CAST: variants seen among roughly 807,000 people sequenced by gnomAD.
The protein encoded by CAST is MIR583 host.
A neutral mutation model predicts 119.6 loss-of-function variants in CAST; 76 were observed. The ratio of observed to expected loss-of-function variants is 0.64; its 90% CI spans 0.53 to 0.77. The LOEUF is 0.77. Among genes scored for constraint, CAST ranks in the 30% least tolerant of loss-of-function variants. The pLI is 0.00. For synonymous variants in CAST, 319 were observed against 331.6 expected (o/e 0.96, Z 0.41); for missense variants, 953 against 946.5 (o/e 1.01, Z -0.09).
At chr5:96,348,236 G>T in the CAST span, among the ~76,000 whole-genome samples, 1 of 152,180 alleles carries the variant, frequency 6.6e-6, no homozygotes, top group African/African-American at 2.4e-5. Flanking sequence ...GTAAAGAAAG[G>T]TAACAGAAGA....
intron 1 of CAST, among the ~76,000 whole-genome samples, chr5:96,540,564 T>G (rs1745893963): frequency 6.6e-6 from 1 of 152,236 alleles, no homozygotes; most frequent in Non-Finnish European, 1.5e-5. Context: ...ATAGTACATT[T>G]CTTAAAATGA....
At chr5:95,970,687 A>G in the CAST span, among the ~76,000 whole-genome samples, 4 of 152,356 alleles carry the variant, frequency 2.6e-5, no homozygotes, top group Admixed American at 2.0e-4. Context: ...TTTAATGATG[A>G]CTAATGAATA....
At chr5:96,525,933 T>G (rs1379807541), upstream of CAST, among the ~76,000 whole-genome samples, 1 of 152,180 alleles carries the variant, frequency 6.6e-6, no homozygotes, top group Non-Finnish European at 1.5e-5. Context: ...CAGAGGGAAC[T>G]TTGGTCCAGA....
the CAST span, among the ~76,000 whole-genome samples, chr5:96,508,838 T>C: frequency 6.6e-6 from 1 of 152,210 alleles, no homozygotes; most frequent in Non-Finnish European, 1.5e-5. Context: ...GGTGCAGACT[T>C]ATTAACTAAA....
chr5:96,429,524 T>C, the CAST span, among the ~76,000 whole-genome samples: 3,151 of 152,138 alleles, frequency 0.021, 123 homozygotes, highest in African/African-American at 0.073. Context: ...TGTCACGGGG[T>C]ATTTTTGTAC....
chr5:96,540,053 T>C (rs1745883928), intron 1 of CAST, among the ~76,000 whole-genome samples: 1 of 152,180 alleles, frequency 6.6e-6, no homozygotes, highest in Non-Finnish European at 1.5e-5. Flanking sequence ...GCTTCAAATA[T>C]GTGTAGTATA....
the CAST span, among the ~76,000 whole-genome samples, chr5:96,413,963 CAAA>C: frequency 0.06 from 1,334 of 22,396 alleles, 39 homozygotes; most frequent in African/African-American, 0.12. Flanking sequence ...ACTAAAAATA[CAAA>C]AAAAAAAAAA....
chr5:96,490,045 T>A, the CAST span, among the ~76,000 whole-genome samples: 21,785 of 152,218 alleles, frequency 0.14, 1,804 homozygotes, highest in African/African-American at 0.21. Context: ...TTCTGGGTGC[T>A]TTACACTTCT....
At chr5:96,001,198 C>T in the CAST span, among the ~76,000 whole-genome samples, 9 of 152,186 alleles carry the variant, frequency 5.9e-5, 1 homozygote, top group East Asian at 1.5e-3. Flanking sequence ...GTGCCAGACA[C>T]TGTGAGGCAC....
chr5:96,520,669 A>G (rs913604652), upstream of CAST, among the ~76,000 whole-genome samples: 2 of 152,126 alleles, frequency 1.3e-5, no homozygotes, highest in African/African-American at 4.8e-5. Flanking sequence ...GACATGTTAG[A>G]TTCTGGTTTT....
chr5:96,284,959 G>A, the CAST span, among the ~76,000 whole-genome samples: 1 of 152,300 alleles, frequency 6.6e-6, no homozygotes, highest in Non-Finnish European at 1.5e-5. Flanking sequence ...AATAACACTA[G>A]AAGGGGACTT....
chr5:96,027,555 GA>G, the CAST span, among the ~76,000 whole-genome samples: 1 of 152,056 alleles, frequency 6.6e-6, no homozygotes, highest in Non-Finnish European at 1.5e-5. Flanking sequence ...ATTTTTAAGA[GA>G]GAGAGTTCAT....
the CAST span, among the ~76,000 whole-genome samples, chr5:96,040,942 A>T: frequency 6.6e-6 from 1 of 152,142 alleles, no homozygotes; most frequent in Admixed American, 6.5e-5. Context: ...TCTCAGAAGG[A>T]ATGCTACCAG....
At chr5:96,663,357 T>C (rs952214251) in intron 1 of CAST, among the ~76,000 whole-genome samples, 18 of 152,186 alleles carry the variant, frequency 1.2e-4, no homozygotes, top group African/African-American at 4.3e-4. Flanking sequence ...ACTCACCCTC[T>C]TGTGGTATGT....
At chr5:96,473,709 C>T in the CAST span, among the ~76,000 whole-genome samples, 10 of 152,354 alleles carry the variant, frequency 6.6e-5, no homozygotes, top group South Asian at 1.0e-3. Context: ...GACTGATTCT[C>T]ATGGCCATTC....
chr5:96,242,218 A>G, the CAST span, among the ~76,000 whole-genome samples: 1 of 151,758 alleles, frequency 6.6e-6, no homozygotes, highest in East Asian at 1.9e-4. Context: ...TAAGTCTTTA[A>G]TCCATCTTGA....
rs896911084 is a variant in CAST, at chr5:96,697,955, T to C, written c.210+2048T>C. On this transcript the variant is annotated intron_variant, in intron 3 of 31. Transcript: ENST00000675179. ...TTCCAGGTCTCCAAATAAAAGAGAG[T>C]CTTCAACTAAAAAAGATTAACTTTT... 4.6e-5 allele frequency among the ~76,000 whole-genome samples: 7 copies of C among 152,260 alleles called. No homozygotes were observed. In the South Asian group the frequency reaches 6.2e-4, roughly 14 times the overall value.
intron 1 of CAST, among the ~76,000 whole-genome samples, chr5:96,536,216 A>T (rs1745811915): frequency 6.6e-6 from 1 of 151,788 alleles, no homozygotes; most frequent in African/African-American, 2.4e-5. Context: ...AAAATTAGCC[A>T]GGCGTGGTGA....
chr5:96,016,955 G>C, the CAST span, among the ~76,000 whole-genome samples: 1 of 148,904 alleles, frequency 6.7e-6, no homozygotes, highest in African/African-American at 2.5e-5. Flanking sequence ...TCCTGCCTCA[G>C]CCTCCCAACT....
Sources: allele counts gnomAD v4.1 joint callset (sites outside exome capture counted in the v4.1 genomes callset), GRCh38; gene constraint gnomAD v4.1.1; transcripts MANE v1.5; gene names NCBI Gene and HGNC (gene_info 2026-07-23, HGNC 2026-07-21).